Variants in NIPBL observed in about 807,000 individuals in gnomAD.
NIPBL encodes the protein NIPBL cohesin loading factor.
In NIPBL, 19 loss-of-function variants were observed where a neutral mutation model predicts 321.8. The observed-to-expected ratio is 0.06, with a 90% confidence interval of 0.04 to 0.09. NIPBL has a LOEUF of 0.09. Ranked by LOEUF, NIPBL falls within the 10% of genes least tolerant of loss-of-function variation. The pLI, the probability that NIPBL is intolerant of heterozygous loss-of-function variation, is 1.00. For synonymous variants in NIPBL, 1,106 were observed against 1,114.1 expected, an observed-to-expected ratio of 0.99 and a Z score of 0.14; for missense variants, 2,210 against 3,327.0, an observed-to-expected ratio of 0.66 and a Z score of 8.26.
chr5:37,030,033 T>G (rs1034377331), intron 32 of NIPBL, among the ~76,000 whole-genome samples: 1 of 152,230 alleles, frequency 6.6e-6, no homozygotes, highest in Non-Finnish European at 1.5e-5. Context: ...TTATTATAAA[T>G]GATCAAGTAA....
chr5:37,055,538 T>TA (rs1490840613), intron 42 of NIPBL, among the ~76,000 whole-genome samples: 3 of 151,600 alleles, frequency 2.0e-5, no homozygotes, highest in Non-Finnish European at 2.9e-5. Flanking sequence ...GAGGAGTACA[T>TA]AAAAAGGGAG....
rs371931975 is a variant in NIPBL, at chr5:37,023,696, G to A, written c.5575-889G>A. Among the ~76,000 whole-genome samples the A allele has an allele frequency of 6.7e-5, 10 of 148,280 alleles. No homozygotes were observed. In the South Asian group the frequency reaches 1.3e-3, roughly 19 times the overall value. On this transcript the variant is annotated intron_variant, in intron 29 of 46. Coordinates refer to ENST00000282516, the MANE Select transcript of NIPBL (RefSeq NM_133433.4). Reference sequence around the variant, plus strand: ...TTTAAGAATCAGAATTCAGTCAAAGGTAATACATTGCATTTGGGGGTCATG... The same window carrying A: ...TTTAAGAATCAGAATTCAGTCAAAGATAATACATTGCATTTGGGGGTCATG...
chr5:37,041,252 G>GGTTT (rs1752313760), intron 34 of NIPBL, among the ~76,000 whole-genome samples: 2 of 63,996 alleles, frequency 3.1e-5, no homozygotes, highest in Admixed American at 1.9e-4. Flanking sequence ...TTATGTGGTG[G>GGTTT]TTTTTTTTTT....
At chr5:36,911,045 AAAAAAATATC>A (rs1210317178) in intron 1 of NIPBL, among the ~76,000 whole-genome samples, 1 of 152,198 alleles carries the variant, frequency 6.6e-6, no homozygotes, top group Non-Finnish European at 1.5e-5. Flanking sequence ...AAGATCATTT[AAAAAAATATC>A]TAGACTAGCA....
intron 1 of NIPBL, among the ~76,000 whole-genome samples, chr5:36,888,756 C>A (rs537601945): frequency 5.3e-5 from 8 of 152,168 alleles, no homozygotes; most frequent in African/African-American, 1.9e-4. Flanking sequence ...CCCTCCAGCC[C>A]ACAGTTTGAG....
intron 32 of NIPBL, among the ~76,000 whole-genome samples, chr5:37,035,459 C>G (rs879784148): frequency 6.6e-6 from 1 of 152,172 alleles, no homozygotes; most frequent in Non-Finnish European, 1.5e-5. Flanking sequence ...TTGTTTTAAT[C>G]ATTTATGCAT....
intron 1 of NIPBL, among the ~76,000 whole-genome samples, chr5:36,895,778 A>T (rs377335777): frequency 1.3e-5 from 2 of 152,120 alleles, no homozygotes; most frequent in Non-Finnish European, 2.9e-5. Flanking sequence ...CATTCATCCA[A>T]ATCTTTTGCC....
At chr5:36,918,767 C>T (rs1290224522) in intron 1 of NIPBL, among the ~76,000 whole-genome samples, 2 of 152,136 alleles carry the variant, frequency 1.3e-5, no homozygotes, top group Non-Finnish European at 2.9e-5. Flanking sequence ...GCCTTTTCTG[C>T]ATCTACTGAG....
chr5:37,033,145 A>G (rs952367161), intron 32 of NIPBL, among the ~76,000 whole-genome samples: 1 of 152,204 alleles, frequency 6.6e-6, no homozygotes, highest in Non-Finnish European at 1.5e-5. Flanking sequence ...GATACAATGT[A>G]AATTCCTTAA....
chr5:36,896,211 G>A (rs777065402), intron 1 of NIPBL, among the ~76,000 whole-genome samples: 3 of 152,142 alleles, frequency 2.0e-5, no homozygotes, highest in Admixed American at 2.0e-4. Context: ...AATGGTCTTG[G>A]CATCCCTGTC....
chr5:36,942,788 C>T (rs1350983005), intron 1 of NIPBL, among the ~76,000 whole-genome samples: 1 of 148,822 alleles, frequency 6.7e-6, no homozygotes, highest in East Asian at 1.9e-4. Context: ...TATCTTTTTT[C>T]ACATTCATTA....
At chr5:36,924,363 A>C (rs1222763015) in intron 1 of NIPBL, among the ~76,000 whole-genome samples, 1 of 152,206 alleles carries the variant, frequency 6.6e-6, no homozygotes, top group Admixed American at 6.5e-5. Context: ...TCAGCATTAC[A>C]GAATTTTTTA....
At chr5:36,975,688 C>A in intron 8 of NIPBL, 88 bp from the exon 9 acceptor site, 1 of 1,228,756 alleles carries the variant, frequency 8.1e-7, no homozygotes, top group Non-Finnish European at 1.2e-6. Context: ...TCTAGTATTA[C>A]TATATTGTCA....
At chr5:37,048,727 C>A in intron 39 of NIPBL, 52 bp downstream of exon 39, 1 of 1,307,716 alleles carries the variant, frequency 7.6e-7, no homozygotes, top group Non-Finnish European at 1.1e-6. Flanking sequence ...ATTATAATGG[C>A]TTTATCTTCT....
Position 36,984,992 on chromosome 5 carries a change from T to G in NIPBL, c.1812T>G (p.Ser604=). The G allele has an allele frequency of 6.2e-7, 1 of 1,613,932 alleles. No individual in the cohort carries two copies. Among genetic ancestry groups the G allele is most frequent in the Non-Finnish European group, 8.5e-7 (1 of 1,179,950 alleles). ...ATCCTGAGACACCTAAAAAAAAGTCTGATCCTGAGCTTTCAAAGAGTGAAA... is the reference window on the plus strand; with the variant it reads ...ATCCTGAGACACCTAAAAAAAAGTCGGATCCTGAGCTTTCAAAGAGTGAAA... ...ENHPETPKKK[S]DPELSKSEMK... The change falls in exon 10 of 47, where the codon TCT becomes TCG. Residue 604 remains serine, a synonymous_variant. Coordinates refer to ENST00000282516, the MANE Select transcript of NIPBL (RefSeq NM_133433.4).
chr5:36,895,514 A>G (rs907158420), intron 1 of NIPBL, among the ~76,000 whole-genome samples: 1 of 152,292 alleles, frequency 6.6e-6, no homozygotes, highest in South Asian at 2.1e-4. Context: ...TGTGGTAACT[A>G]TGTTTAACTC....
intron 21 of NIPBL, among the ~76,000 whole-genome samples, chr5:37,013,052 C>A (rs996983140): frequency 3.3e-5 from 5 of 150,116 alleles, no homozygotes; most frequent in Non-Finnish European, 7.4e-5. Context: ...TGACCCCCCC[C>A]CACCTCCCTC....
rs931010204 is a variant in NIPBL, at chr5:36,879,057, G to A, written c.-80+1879G>A. Among the ~76,000 whole-genome samples, 4 of 152,134 alleles carry A rather than the reference G, an allele frequency of 2.6e-5. No homozygotes were observed. In the South Asian group the frequency reaches 8.3e-4, roughly 32 times the overall value. On this transcript the variant is annotated intron_variant, in intron 1 of 46. Transcript: ENST00000282516. Reference sequence around the variant, plus strand: ...CACATCTTAAGAAAGCAGAGGGTTTGTTTTTTTGGGGATGGAGGTGGTAAG... The same window carrying A: ...CACATCTTAAGAAAGCAGAGGGTTTATTTTTTTGGGGATGGAGGTGGTAAG...
chr5:36,924,319 A>G (rs1249731346), intron 1 of NIPBL, among the ~76,000 whole-genome samples: 5 of 152,198 alleles, frequency 3.3e-5, no homozygotes, highest in African/African-American at 1.2e-4. Flanking sequence ...TTCTTGAGAA[A>G]ATTTTATATC....
Sources: gnomAD v4.1 joint callset for allele counts (sites outside exome capture counted in the v4.1 genomes callset) on GRCh38, gnomAD v4.1.1 for gene constraint, MANE v1.5 for transcripts, NCBI Gene and HGNC (gene_info 2026-07-23, HGNC 2026-07-21) for gene names.